Variants in DLG2 observed in about 807,000 individuals in gnomAD.
DLG2 encodes discs large MAGUK scaffold protein 2.
A neutral mutation model predicts 132.5 loss-of-function variants in DLG2; 45 were observed. The ratio of observed to expected loss-of-function variants is 0.34; its 90% CI spans 0.27 to 0.44. DLG2 has a LOEUF of 0.44. DLG2 is among the 20% of genes least tolerant of loss of function. The pLI, the probability that DLG2 is intolerant of heterozygous loss-of-function variation, is 1.00. For synonymous variants in DLG2, 424 were observed against 419.6 expected, an observed-to-expected ratio of 1.01 and a Z score of -0.13; for missense variants, 1,045 against 1,196.9, an observed-to-expected ratio of 0.87 and a Z score of 1.87.
At chr11:85,151,094 T>G (rs898425638) in intron 5 of DLG2, among the ~76,000 whole-genome samples, 17 of 152,208 alleles carry the variant, frequency 1.1e-4, no homozygotes, top group African/African-American at 4.1e-4. Context: ...AATTGTGGTT[T>G]TGATTGGCAT....
At chr11:84,015,805 T>C (rs1487033561) in intron 11 of DLG2, among the ~76,000 whole-genome samples, 1 of 152,212 alleles carries the variant, frequency 6.6e-6, no homozygotes, top group Non-Finnish European at 1.5e-5. Flanking sequence ...TTTAGGCTGA[T>C]TCCATGTCTT....
At chr11:85,520,383 T>C (rs920012387) in intron 3 of DLG2, among the ~76,000 whole-genome samples, 1 of 152,200 alleles carries the variant, frequency 6.6e-6, no homozygotes, top group South Asian at 2.1e-4. Context: ...TGCTCATGGA[T>C]TGGAAGAATC....
chr11:83,602,617 A>C (rs1009451502), intron 19 of DLG2, among the ~76,000 whole-genome samples: 4 of 152,224 alleles, frequency 2.6e-5, no homozygotes, highest in African/African-American at 9.6e-5. Flanking sequence ...ATTTCAGAGC[A>C]GCTCCTTGGC....
chr11:84,415,447 TTATA>T (rs1418051312), intron 7 of DLG2, among the ~76,000 whole-genome samples: 1 of 152,214 alleles, frequency 6.6e-6, no homozygotes, highest in Non-Finnish European at 1.5e-5. Context: ...TCTATTCATC[TTATA>T]TAATCTTCAT....
intron 7 of DLG2, among the ~76,000 whole-genome samples, chr11:84,368,886 A>T (rs1160826478): frequency 6.6e-6 from 1 of 152,268 alleles, no homozygotes; most frequent in Non-Finnish European, 1.5e-5. Context: ...ATAGTCTAGA[A>T]CTAGTGTCTT....
At chr11:84,987,936 AG>A (rs2154123269) in intron 6 of DLG2, among the ~76,000 whole-genome samples, 1 of 152,362 alleles carries the variant, frequency 6.6e-6, no homozygotes, top group South Asian at 2.1e-4. Flanking sequence ...AATTAAACAA[AG>A]AGTTTTTGCA....
At chr11:84,634,736 T>C (rs1026396967) in intron 6 of DLG2, among the ~76,000 whole-genome samples, 1 of 152,230 alleles carries the variant, frequency 6.6e-6, no homozygotes, top group Non-Finnish European at 1.5e-5. Context: ...AATGAATAAA[T>C]GTCACTCTCC....
At chr11:83,889,205 CATCTGACAAAGGGCTAATATCCAGA>C (rs1565511582) in intron 15 of DLG2, among the ~76,000 whole-genome samples, 1 of 151,992 alleles carries the variant, frequency 6.6e-6, no homozygotes, top group Non-Finnish European at 1.5e-5. Flanking sequence ...GCAACCTACT[CATCTGACAAAGGGCTAATATCCAGA>C]ATCTACAATG....
intron 6 of DLG2, among the ~76,000 whole-genome samples, chr11:84,815,079 A>G (rs2076958635): frequency 6.6e-6 from 1 of 152,068 alleles, no homozygotes; most frequent in Non-Finnish European, 1.5e-5. Flanking sequence ...AGACAGTAGG[A>G]AAGTCTCATG....
intron 6 of DLG2, among the ~76,000 whole-genome samples, chr11:84,726,472 C>T (rs1323205563): frequency 1.3e-5 from 2 of 152,138 alleles, no homozygotes; most frequent in East Asian, 3.9e-4. Context: ...CATAGTATTC[C>T]ATGGTGTATA....
chr11:84,745,508 T>C (rs1306407930), intron 6 of DLG2, among the ~76,000 whole-genome samples: 2 of 152,184 alleles, frequency 1.3e-5, no homozygotes, highest in Non-Finnish European at 2.9e-5. Flanking sequence ...CCTGCAGAAC[T>C]GTGAACCAAT....
chr11:84,061,198 C>T (rs1020757255), intron 10 of DLG2, among the ~76,000 whole-genome samples: 1 of 152,178 alleles, frequency 6.6e-6, no homozygotes, highest in Admixed American at 6.6e-5. Flanking sequence ...CTTAGCCTCT[C>T]TAAGCCTTAT....
chr11:84,214,242 T>C (rs2096801177), intron 8 of DLG2, among the ~76,000 whole-genome samples: 1 of 143,540 alleles, frequency 7.0e-6, no homozygotes, highest in South Asian at 2.1e-4. Context: ...TATATATGAA[T>C]ATATATATAC....
At chr11:85,246,957 C>T (rs2076164807) in intron 4 of DLG2, among the ~76,000 whole-genome samples, 1 of 152,042 alleles carries the variant, frequency 6.6e-6, no homozygotes, top group South Asian at 2.1e-4. Flanking sequence ...ATTCCAGAAC[C>T]TCTTCTGAAC....
chr11:84,166,172 CT>C (rs918888798), intron 8 of DLG2, among the ~76,000 whole-genome samples: 17 of 152,172 alleles, frequency 1.1e-4, no homozygotes, highest in Admixed American at 3.3e-4. Flanking sequence ...TGGCAAATAT[CT>C]TGAGGGAAAG....
intron 14 of DLG2, among the ~76,000 whole-genome samples, chr11:83,937,146 TG>T (rs2081617459): frequency 6.6e-6 from 1 of 152,080 alleles, no homozygotes; most frequent in Admixed American, 6.5e-5. Flanking sequence ...AGAATCGTGA[TG>T]GAAAAAAAAT....
chr11:84,619,844 A>C (rs2099610844), intron 6 of DLG2, among the ~76,000 whole-genome samples: 1 of 151,748 alleles, frequency 6.6e-6, no homozygotes, highest in Non-Finnish European at 1.5e-5. Context: ...TATATTTATA[A>C]ATAGAAAAAT....
chr11:84,313,641 AAAAG>A (rs201928030), intron 7 of DLG2, among the ~76,000 whole-genome samples: 20,297 of 129,072 alleles, frequency 0.16, 1,687 homozygotes, highest in South Asian at 0.22. Flanking sequence ...GAAAGAGAGA[AAAAG>A]AAAGAAAGAA....
At chr11:84,636,514 A>G (rs897510904) in intron 6 of DLG2, among the ~76,000 whole-genome samples, 1 of 152,186 alleles carries the variant, frequency 6.6e-6, no homozygotes, top group Non-Finnish European at 1.5e-5. Context: ...GTTTGGAGAT[A>G]GTTTTTGTAA....
Sources: gnomAD v4.1 joint callset for allele counts (sites outside exome capture counted in the v4.1 genomes callset) on GRCh38, gnomAD v4.1.1 for gene constraint, MANE v1.5 for transcripts, NCBI Gene and HGNC (gene_info 2026-07-23, HGNC 2026-07-21) for gene names.